The following DACH2 variants were observed in gnomAD, a reference collection of about 807,000 sequenced individuals.
The protein encoded by DACH2 is dachshund homolog 2.
Under a neutral mutation model 35.8 loss-of-function variants are expected in DACH2, and 17 were observed. The ratio of observed to expected loss-of-function variants is 0.48; its 90% CI spans 0.33 to 0.71. The LOEUF (loss-of-function observed/expected upper bound fraction) is 0.71, where lower values mean the gene tolerates loss of function less well. Ranked by LOEUF, DACH2 falls within the 30% of genes least tolerant of loss-of-function variation. The probability of loss-of-function intolerance (pLI) is 0.02; values close to 1 mark genes in which losing one functional copy is unlikely to be tolerated. For synonymous variants in DACH2, 195 were observed against 177.3 expected (o/e 1.10, Z -0.79); for missense variants, 469 against 472.7 (o/e 0.99, Z 0.07).
chrX:86,660,463 A>G (rs1157170566), intron 4 of DACH2, among the ~76,000 whole-genome samples: 1 of 111,895 alleles, frequency 8.9e-6, no homozygotes, highest in Admixed American at 9.5e-5. Flanking sequence ...CAGAATGGGA[A>G]AATATAGGCA....
chrX:86,576,130 G>A (rs1052349938), intron 3 of DACH2, among the ~76,000 whole-genome samples: 2 of 111,913 alleles, frequency 1.8e-5, no homozygotes, highest in Non-Finnish European at 3.8e-5. Context: ...AGCATGAATA[G>A]ATAAAGAAGA....
At chrX:86,659,825 A>T in intron 4 of DACH2, among the ~76,000 whole-genome samples, 1 of 111,239 alleles carries the variant, frequency 9.0e-6, no homozygotes, top group Admixed American at 9.7e-5. Flanking sequence ...CTTCATTATT[A>T]TAATTCTTGA....
At chrX:86,628,766 C>A (rs1345705936) in intron 3 of DACH2, among the ~76,000 whole-genome samples, 1 of 111,671 alleles carries the variant, frequency 9.0e-6, no homozygotes, top group African/African-American at 3.3e-5. Flanking sequence ...ATTGATTGCA[C>A]TGTTGATTAT....
chrX:86,815,603 GTATATACACATATTTATA>G (rs941376940), intron 10 of DACH2, among the ~76,000 whole-genome samples: 1 of 104,381 alleles, frequency 9.6e-6, no homozygotes, highest in African/African-American at 3.5e-5. Flanking sequence ...ACACATATAT[GTATATACACATATTTATA>G]TATATACACA....
At chrX:86,267,882 G>C (rs1348368473) in intron 1 of DACH2, among the ~76,000 whole-genome samples, 5 of 111,607 alleles carry the variant, frequency 4.5e-5, no homozygotes, top group Non-Finnish European at 7.5e-5. Flanking sequence ...TGGCTGCATG[G>C]GTAATATAGA....
chrX:86,377,605 G>C (rs1445928869), intron 2 of DACH2, among the ~76,000 whole-genome samples: 2 of 110,366 alleles, frequency 1.8e-5, no homozygotes, highest in African/African-American at 6.6e-5. Flanking sequence ...TATTTTGATA[G>C]TTCCTGTCAG....
At chrX:86,814,341 G>A (rs899132926) in intron 9 of DACH2, among the ~76,000 whole-genome samples, 1 of 111,802 alleles carries the variant, frequency 8.9e-6, no homozygotes, top group Non-Finnish European at 1.9e-5. Context: ...TTTCTTAAGA[G>A]GATTACAAAA....
At chrX:86,534,414 C>T (rs1164347368) in intron 3 of DACH2, among the ~76,000 whole-genome samples, 5 of 112,134 alleles carry the variant, frequency 4.5e-5, no homozygotes, top group African/African-American at 1.6e-4. Flanking sequence ...AGATGACACA[C>T]AAATAGGGAA....
In DACH2 at chrX:86,603,018, G is replaced by A. The variant is rs1002145551; in HGVS notation, c.641-48018G>A. 5.4e-5 allele frequency among the ~76,000 whole-genome samples: 6 copies of A among 111,320 alleles called. No individual in the cohort carries two copies. In the South Asian group the frequency reaches 1.1e-3, roughly 21 times the overall value. On this transcript the variant is annotated intron_variant, in intron 3 of 11. Coordinates refer to ENST00000373125, the MANE Select transcript of DACH2 (RefSeq NM_053281.3). The stretch of plus-strand genomic sequence containing the variant: ...AACTAAGTACCACAAACTTGTTGGC[G>A]TAAACAACAGAAATTTATTTTCTCA...
At chrX:86,270,039 A>T (rs5923519) in intron 1 of DACH2, among the ~76,000 whole-genome samples, 13,808 of 93,860 alleles carry the variant, frequency 0.15, 1,293 homozygotes, top group Non-Finnish European at 0.22. Context: ...ATATATATAT[A>T]TTTTTTTTTT....
intron 7 of DACH2, among the ~76,000 whole-genome samples, chrX:86,743,365 G>A (rs1465073347): frequency 9.0e-6 from 1 of 111,310 alleles, no homozygotes; most frequent in African/African-American, 3.3e-5. Context: ...TGAAAACTGA[G>A]TACAACTTTG....
chrX:86,452,380 A>T (rs2037394259), intron 2 of DACH2, among the ~76,000 whole-genome samples: 1 of 111,509 alleles, frequency 9.0e-6, no homozygotes, highest in African/African-American at 3.3e-5. Flanking sequence ...AATTTTTTGG[A>T]ATAGTTTCAG....
chrX:86,711,579 C>T (rs1044396919), intron 5 of DACH2, among the ~76,000 whole-genome samples: 3 of 111,300 alleles, frequency 2.7e-5, no homozygotes, highest in Admixed American at 9.5e-5. Context: ...AGCCAGGTTG[C>T]GGGTGTGGTG....
chrX:86,175,138 G>A (rs1242943510), intron 1 of DACH2, among the ~76,000 whole-genome samples: 1 of 111,731 alleles, frequency 9.0e-6, no homozygotes, highest in Non-Finnish European at 1.9e-5. Context: ...GGGTCACACT[G>A]GCCTAAAGAG....
chrX:86,159,303 AAT>A (rs2030665335), intron 1 of DACH2, among the ~76,000 whole-genome samples: 1 of 111,519 alleles, frequency 9.0e-6, no homozygotes, highest in African/African-American at 3.3e-5. Flanking sequence ...TTGACCCTTA[AAT>A]ATGTTATATT....
At chrX:86,500,889 T>C (rs2038240478) in intron 2 of DACH2, among the ~76,000 whole-genome samples, 1 of 111,740 alleles carries the variant, frequency 8.9e-6, no homozygotes, top group Non-Finnish European at 1.9e-5. Flanking sequence ...ATTGCCGACT[T>C]TTTACCAATA....
chrX:86,254,805 TATAGAGAGAG>T (rs1416243295), intron 1 of DACH2, among the ~76,000 whole-genome samples: 1 of 60,801 alleles, frequency 1.6e-5, no homozygotes, highest in Non-Finnish European at 2.7e-5. Flanking sequence ...TATATATATA[TATAGAGAGAG>T]AGAGAGAGAG....
intron 1 of DACH2, among the ~76,000 whole-genome samples, chrX:86,196,428 C>T (rs1406754110): frequency 9.1e-6 from 1 of 110,354 alleles, no homozygotes; most frequent in Non-Finnish European, 1.9e-5. Context: ...TGCAGTGGCT[C>T]ACACCTGTAA....
Position 86,359,084 on chromosome X carries a change from C to CGTGTGTGTGTGT in DACH2, c.489-17721_489-17710dup, listed in dbSNP as rs1556037574. On this transcript the variant is annotated intron_variant, in intron 1 of 11. Coordinates refer to ENST00000373125, the MANE Select transcript of DACH2 (RefSeq NM_053281.3). ...GAGAAATAGAACCATTATATTTTGTCGTGTGTGTGTGTGTGTGTGTGTGTG... is the reference window on the plus strand; with the variant it reads ...GAGAAATAGAACCATTATATTTTGTCGTGTGTGTGTGTGTGTGTGTGTGTGTGTGTGTGTGTG... Among the ~76,000 whole-genome samples, 301 of 98,507 alleles carry CGTGTGTGTGTGT rather than the reference C, an allele frequency of 3.1e-3. 2 individuals are homozygous for CGTGTGTGTGTGT. The highest frequency in any genetic ancestry group is 0.011 in the African/African-American group (288 of 27,224). 85.5% of individuals were successfully genotyped at this position (98,507 alleles called of 115,157 possible). A position where few individuals can be genotyped will look rare whatever the true frequency, so the allele number is the denominator to read the frequency against.
Sources: gnomAD v4.1 joint callset for allele counts (sites outside exome capture counted in the v4.1 genomes callset) on GRCh38, gnomAD v4.1.1 for gene constraint, MANE v1.5 for transcripts, NCBI Gene and HGNC (gene_info 2026-07-23, HGNC 2026-07-21) for gene names.